The following ACSM1 variants were observed in gnomAD, a reference collection of about 807,000 sequenced individuals.
ACSM1 encodes the protein acyl-coenzyme A synthetase ACSM1, mitochondrial.
A neutral mutation model predicts 75.8 loss-of-function variants in ACSM1; 79 were observed. The ratio of observed to expected loss-of-function variants is 1.04; its 90% CI spans 0.87 to 1.26. The LOEUF is 1.26. Ranked by LOEUF, ACSM1 falls within the 50% of genes most tolerant of loss-of-function variation. ACSM1 has a pLI of 0.00. For missense variants in ACSM1, 676 were observed against 720.1 expected, an observed-to-expected ratio of 0.94 and a Z score of 0.70; for synonymous variants, 279 against 265.8, an observed-to-expected ratio of 1.05 and a Z score of -0.48.
rs1399552523 is a variant in ACSM1, at chr16:20,691,774, T to C, written c.-51-535A>G. On this transcript the variant is annotated intron_variant, in intron 1 of 13. Transcript: ENST00000520010. The stretch of plus-strand genomic sequence containing the variant: ...CAATGTGTGTGTGTGTGTGTGTGTG[T>C]GTGTGTGTGTGTGTGTGTGTGTGTG... Among the ~76,000 whole-genome samples the C allele has an allele frequency of 3.3e-5, 5 of 150,098 alleles. No homozygotes were observed. The South Asian group carries it at 8.4e-4, about 25-fold the overall frequency.
In ACSM1 at chr16:20,636,779, A is replaced by C. The variant is rs1024821853; in HGVS notation, c.1259T>G (p.Ile420Ser). ...GAGGCTCACAGGCCTGACAGGTTTG[A>C]TTCTGATGCCAATGTTTCCTTCTGT... ...PNTEGNIGIR[I>S]KPVRPVSLFM... Residue 420 changes from isoleucine (I) to serine (S), a missense_variant, in exon 10 of 14, where the codon ATC becomes AGC. Physicochemically the swap from Ile to Ser is moderately radical, Grantham distance 142. Transcript: ENST00000520010. The C allele has an allele frequency of 6.2e-6, 10 of 1,613,966 alleles. No individual in the cohort carries two copies. The African/African-American group carries it at 1.2e-4, about 19-fold the overall frequency.
chr16:20,685,226 A>G lies in ACSM1; in HGVS notation c.370T>C (p.Trp124Arg). 1 of 1,613,978 alleles carries G rather than the reference A, an allele frequency of 6.2e-7. No homozygotes were observed. Among genetic ancestry groups the G allele is most frequent in the South Asian group, 1.1e-5 (1 of 91,066 alleles). ...ATGCAGCCCACAGCCACCAGCCACC[A>G]CTCAGGAACTCGAGGCAGCATCAAG... ...LALMLPRVPE[W>R]WLVAVGCMRT... is the part of the protein sequence containing the mutation. Residue 124 changes from tryptophan (W) to arginine (R), a missense_variant, in exon 3 of 14, where the codon TGG becomes CGG. Physicochemically the swap from Trp to Arg is moderately radical, Grantham distance 101. Transcript: ENST00000520010.
intron 5 of ACSM1, 79 bp from the exon 6 acceptor site, chr16:20,670,065 A>G (rs989822967): frequency 7.1e-7 from 1 of 1,411,438 alleles, no homozygotes; most frequent in Non-Finnish European, 9.8e-7. Context: ...GTTTTTAGCT[A>G]CGAACCCACC....
intron 7 of ACSM1, among the ~76,000 whole-genome samples, chr16:20,654,115 T>C (rs1284259819): frequency 6.6e-6 from 1 of 152,130 alleles, no homozygotes; most frequent in Admixed American, 6.5e-5. Flanking sequence ...TCTACAACCA[T>C]CTGATCTTTG....
Position 20,656,085 on chromosome 16 carries a change from AC to A in ACSM1, c.992+5708del, listed in dbSNP as rs2018942681. On this transcript the variant is annotated intron_variant, in intron 7 of 13. Transcript: ENST00000520010. ...GCTTTGAAGGACGGCTCTTTCCTTC[AC>A]CTTTTGTTGGCTCCTGTAACTTTTA... 3.3e-5 allele frequency among the ~76,000 whole-genome samples: 5 copies of A among 152,130 alleles called. No homozygotes were observed. In the South Asian group the frequency reaches 1.0e-3, roughly 32 times the overall value.
chr16:20,661,689 A>C (rs1596876496), intron 7 of ACSM1, 105 bp downstream of exon 7: 2 of 780,280 alleles, frequency 2.6e-6, no homozygotes, highest in Non-Finnish European at 4.2e-6. Context: ...TTAACACACA[A>C]ACACACACAC....
chr16:20,641,220 T>C (rs1365039283), intron 7 of ACSM1, among the ~76,000 whole-genome samples: 1 of 152,216 alleles, frequency 6.6e-6, no homozygotes, highest in Non-Finnish European at 1.5e-5. Flanking sequence ...CCCCAAAATA[T>C]ATTTCTTTGA....
intron 7 of ACSM1, among the ~76,000 whole-genome samples, chr16:20,645,058 T>C (rs1022649621): frequency 1.3e-5 from 2 of 152,220 alleles, no homozygotes; most frequent in East Asian, 1.9e-4. Context: ...TGGGTTGTTA[T>C]GAAATACTCA....
chr16:20,680,989 C>G (rs2079433904), intron 4 of ACSM1: 1 of 152,128 alleles, frequency 6.6e-6, no homozygotes, highest in Non-Finnish European at 1.5e-5. Context: ...ACTAGAAGAG[C>G]ATAATCACAA....
chr16:20,675,087 G>A (rs530462495), intron 4 of ACSM1, among the ~76,000 whole-genome samples: 1 of 152,314 alleles, frequency 6.6e-6, no homozygotes, highest in South Asian at 2.1e-4. Flanking sequence ...AACTGGGAGT[G>A]TGTGGGTGTG....
intron 7 of ACSM1, among the ~76,000 whole-genome samples, chr16:20,660,598 A>G (rs2019246433): frequency 6.6e-6 from 1 of 152,202 alleles, no homozygotes; most frequent in South Asian, 2.1e-4. Flanking sequence ...TGGCTGTCAT[A>G]TGAGCTTTGA....
rs1184718941 is a variant in ACSM1, at chr16:20,669,746, T to C, written c.912+81A>G. ...TAGGCTCATGGGCTTCTTTGCTTAA[T>C]AAAATATTTTTTTAGCAAGGTCCAG... is the stretch of plus-strand genomic sequence containing the variant. On this transcript the variant is annotated intron_variant, in intron 6 of 13. Transcript: ENST00000520010. 3.4e-6 allele frequency: 5 copies of C among 1,449,494 alleles called. No individual in the cohort carries two copies. In the African/African-American group the frequency reaches 7.1e-5, roughly 21 times the overall value. The allele number at this position is 1,449,494 out of a possible 1,614,324, so 89.8% of individuals were successfully genotyped here. A position where few individuals can be genotyped will look rare whatever the true frequency, so the allele number is the denominator to read the frequency against.
At chr16:20,661,316 G>A (rs13334424) in intron 7 of ACSM1, among the ~76,000 whole-genome samples, 102 of 152,148 alleles carry the variant, frequency 6.7e-4, no homozygotes, top group African/African-American at 2.3e-3. Flanking sequence ...TTTAAAATTC[G>A]AACACATGTA....
intron 1 of ACSM1, among the ~76,000 whole-genome samples, chr16:20,695,582 T>TTAC (rs2079685175): frequency 8.7e-5 from 13 of 150,264 alleles, no homozygotes; most frequent in South Asian, 2.1e-4. Flanking sequence ...CTATTACCTA[T>TTAC]CTATTATCTA....
chr16:20,690,568 G>T (rs968777320), intron 2 of ACSM1, among the ~76,000 whole-genome samples: 1 of 152,120 alleles, frequency 6.6e-6, no homozygotes, highest in Non-Finnish European at 1.5e-5. Context: ...GCACATTCAG[G>T]TGGTCTATCC....
intron 11 of ACSM1, 100 bp from the exon 12 acceptor site, chr16:20,625,622 G>T: frequency 9.4e-7 from 1 of 1,061,170 alleles, no homozygotes. Context: ...CACAGAGGGT[G>T]GAGGTCATAG....
chr16:20,645,281 T>C (rs2096933437), intron 7 of ACSM1, among the ~76,000 whole-genome samples: 1 of 152,144 alleles, frequency 6.6e-6, no homozygotes, highest in East Asian at 1.9e-4. Flanking sequence ...GAAGAAGTAT[T>C]AGGACTATAG....
At chr16:20,686,773 C>T (rs1056055420) in intron 2 of ACSM1, among the ~76,000 whole-genome samples, 11 of 151,508 alleles carry the variant, frequency 7.3e-5, no homozygotes, top group African/African-American at 2.7e-4. Flanking sequence ...CACTGCATTC[C>T]AGCCTGGGAG....
intron 4 of ACSM1, among the ~76,000 whole-genome samples, chr16:20,676,721 G>A (rs2020302755): frequency 6.6e-6 from 1 of 152,190 alleles, no homozygotes; most frequent in African/African-American, 2.4e-5. Flanking sequence ...ACACAGTCAT[G>A]GAAAAGGCTG....
Sources: gnomAD v4.1 joint callset for allele counts (sites outside exome capture counted in the v4.1 genomes callset) on GRCh38, gnomAD v4.1.1 for gene constraint, MANE v1.5 for transcripts, NCBI Gene and HGNC (gene_info 2026-07-23, HGNC 2026-07-21) for gene names.